ALK: variants seen among roughly 807,000 people sequenced by gnomAD.
ALK encodes ALK tyrosine kinase receptor.
In ALK, 74 loss-of-function variants were observed where a neutral mutation model predicts 163.1. The ratio of observed to expected loss-of-function variants is 0.45; its 90% CI spans 0.38 to 0.55. The LOEUF (loss-of-function observed/expected upper bound fraction) is 0.55, where lower values mean the gene tolerates loss of function less well. ALK is among the 20% of genes least tolerant of loss of function. The probability of loss-of-function intolerance (pLI) is 0.00; values close to 1 mark genes in which losing one functional copy is unlikely to be tolerated. For synonymous variants in ALK, 960 were observed against 843.2 expected (o/e 1.14, Z -2.40); for missense variants, 2,063 against 2,105.3 (o/e 0.98, Z 0.39).
At chr2:29,819,936 A>G (rs1158400027) in intron 1 of ALK, among the ~76,000 whole-genome samples, 3 of 152,222 alleles carry the variant, frequency 2.0e-5, no homozygotes, top group Admixed American at 6.5e-5. Flanking sequence ...GGCAATTCCC[A>G]TATTCATTTG....
chr2:29,763,829 A>G (rs960396861), intron 1 of ALK, among the ~76,000 whole-genome samples: 7 of 152,272 alleles, frequency 4.6e-5, no homozygotes, highest in Non-Finnish European at 8.8e-5. Flanking sequence ...CTGTTCACAC[A>G]CAATAGAGCC....
chr2:29,477,335 G>A (rs771246403), intron 4 of ALK, among the ~76,000 whole-genome samples: 5 of 152,168 alleles, frequency 3.3e-5, no homozygotes, highest in Admixed American at 6.5e-5. Flanking sequence ...ATTTACTTAA[G>A]CTTTCTGAGA....
At chr2:29,274,687 T>C (rs988406790) in intron 11 of ALK, among the ~76,000 whole-genome samples, 1 of 152,218 alleles carries the variant, frequency 6.6e-6, no homozygotes, top group African/African-American at 2.4e-5. Flanking sequence ...TTACCCATGA[T>C]GGGGTAGCCT....
intron 1 of ALK, among the ~76,000 whole-genome samples, chr2:29,863,442 T>A (rs1666346212): frequency 6.6e-6 from 1 of 152,080 alleles, no homozygotes; most frequent in Non-Finnish European, 1.5e-5. Context: ...ATGACCCAAT[T>A]TAAAAATGAG....
At chr2:29,579,885 G>A (rs1674630552) in intron 3 of ALK, among the ~76,000 whole-genome samples, 2 of 152,138 alleles carry the variant, frequency 1.3e-5, no homozygotes, top group East Asian at 1.9e-4. Flanking sequence ...CTCATTGTAG[G>A]AAAAGCAATG....
chr2:29,324,500 C>A (rs1010753140), intron 6 of ALK, among the ~76,000 whole-genome samples: 10 of 152,202 alleles, frequency 6.6e-5, no homozygotes, highest in Non-Finnish European at 1.2e-4. Flanking sequence ...ATTTTACAAC[C>A]AGTATGTTTT....
At chr2:29,296,167 A>C (rs1477121392) in intron 9 of ALK, among the ~76,000 whole-genome samples, 1 of 152,232 alleles carries the variant, frequency 6.6e-6, no homozygotes, top group African/African-American at 2.4e-5. Context: ...AAAGGTGAGG[A>C]AACTGAGGCC....
Position 29,673,659 on chromosome 2 carries a change from G to A in ALK, c.952+21191C>T, listed in dbSNP as rs879498121. On this transcript the variant is annotated intron_variant, in intron 3 of 28. Transcript: ENST00000389048. ...TGGCTTAGGATTGACTTGGAAATGC[G>A]GGCTCTTTTTTGGTTCCATATGAAC... Among the ~76,000 whole-genome samples, 1,129 of 150,842 alleles carry A rather than the reference G, an allele frequency of 7.5e-3. 11 individuals carry two copies. Among genetic ancestry groups the A allele is most frequent in the Middle Eastern group, 0.044 (13 of 294 alleles).
intron 4 of ALK, among the ~76,000 whole-genome samples, chr2:29,472,606 G>A (rs1047258845): frequency 6.6e-6 from 1 of 151,886 alleles, no homozygotes; most frequent in Non-Finnish European, 1.5e-5. Context: ...GCAAGAAAAA[G>A]AAATAAAAGG....
rs1669058336 is a variant in ALK at position 29,197,670 on chromosome 2, A to G, written c.3945T>C (p.Phe1315=). ...AAAAGATTTCCCATAGCAGCACTCC[A>G]AAGGACCTGGGCATGGGACAGAGGA... ...IFTSKTDTWS[F]GVLLWEIFSL... The change falls in exon 27 of 29, where the codon TTT becomes TTC. Residue 1315 remains phenylalanine, a synonymous_variant. Coordinates refer to ENST00000389048, the MANE Select transcript of ALK (RefSeq NM_004304.5). The G allele has an allele frequency of 1.9e-6, 3 of 1,613,774 alleles. No individual in the cohort carries two copies. The highest frequency in any genetic ancestry group is 1.7e-4 in the Middle Eastern group (1 of 6,012).
intron 8 of ALK, among the ~76,000 whole-genome samples, chr2:29,316,314 A>T (rs77002874): frequency 0.017 from 2,560 of 152,294 alleles, 77 homozygotes; most frequent in African/African-American, 0.059. Flanking sequence ...ATAAATATAA[A>T]TAATGTGAGT....
intron 1 of ALK, among the ~76,000 whole-genome samples, chr2:29,858,087 T>C (rs1666190341): frequency 6.6e-6 from 1 of 152,108 alleles, no homozygotes; most frequent in Non-Finnish European, 1.5e-5. Context: ...GCATGTGGTA[T>C]GCTTAGTTCT....
At chr2:29,771,048 C>T (rs2148344118) in intron 1 of ALK, among the ~76,000 whole-genome samples, 1 of 152,104 alleles carries the variant, frequency 6.6e-6, no homozygotes, top group Non-Finnish European at 1.5e-5. Context: ...TACATGCACA[C>T]ATACACAGAC....
intron 4 of ALK, among the ~76,000 whole-genome samples, chr2:29,407,672 C>A (rs1035257191): frequency 2.0e-5 from 3 of 152,168 alleles, no homozygotes; most frequent in Non-Finnish European, 4.4e-5. Context: ...TTTCCTTGGT[C>A]CATTCAGTTC....
chr2:29,223,686 A>G (rs2148171657), intron 19 of ALK, 158 bp from the exon 20 acceptor site: 1 of 665,324 alleles, frequency 1.5e-6, no homozygotes, highest in Non-Finnish European at 2.6e-6. Context: ...ATGATTAAAG[A>G]AGGTGTGTCT....
intron 3 of ALK, among the ~76,000 whole-genome samples, chr2:29,677,823 A>G (rs1486726845): frequency 6.6e-6 from 1 of 152,072 alleles, no homozygotes; most frequent in Non-Finnish European, 1.5e-5. Context: ...GGAAGTATTC[A>G]TTCCTTTATT....
At chr2:29,224,381 CT>C (rs1318578946) in intron 19 of ALK, among the ~76,000 whole-genome samples, 1 of 152,182 alleles carries the variant, frequency 6.6e-6, no homozygotes, top group African/African-American at 2.4e-5. Context: ...CCCTGTTTCC[CT>C]AACCACTGCC....
intron 3 of ALK, among the ~76,000 whole-genome samples, chr2:29,541,983 C>G (rs1226169863): frequency 6.6e-6 from 1 of 152,226 alleles, no homozygotes; most frequent in East Asian, 1.9e-4. Flanking sequence ...TGGCCATACT[C>G]CAAGTCCCCA....
intron 11 of ALK, 29 bp from the exon 12 acceptor site, chr2:29,251,296 C>A (rs2148197805): frequency 1.2e-6 from 2 of 1,606,910 alleles, no homozygotes; most frequent in Admixed American, 1.7e-5. Context: ...GGCAGTCACT[C>A]ATGTGGCCAG....
Sources: allele counts gnomAD v4.1 joint callset (sites outside exome capture counted in the v4.1 genomes callset), GRCh38; gene constraint gnomAD v4.1.1; transcripts MANE v1.5; gene names NCBI Gene and HGNC (gene_info 2026-07-23, HGNC 2026-07-21).